SLC8A1: variants seen among roughly 807,000 people sequenced by gnomAD.
SLC8A1 encodes the protein solute carrier family 8 member A1.
SLC8A1 carries 18 observed loss-of-function variants against 68.3 expected under a neutral mutation model. The observed-to-expected ratio is 0.26, with a 90% CI of 0.18 to 0.39. The LOEUF is 0.39. Among genes scored for constraint, SLC8A1 ranks in the 10% least tolerant of loss-of-function variants. The pLI is 1.00. For synonymous variants in SLC8A1, 475 were observed against 415.5 expected, an observed-to-expected ratio of 1.14 and a Z score of -1.74; for missense variants, 985 against 1,156.7, an observed-to-expected ratio of 0.85 and a Z score of 2.15.
chr2:40,419,565 T>C (rs1694891635), intron 2 of SLC8A1, among the ~76,000 whole-genome samples: 2 of 152,094 alleles, frequency 1.3e-5, no homozygotes, highest in South Asian at 4.1e-4. Flanking sequence ...TGCCCCTGTC[T>C]CTTTTTCTCT....
chr2:40,418,415 CT>C (rs1426932121), intron 2 of SLC8A1, among the ~76,000 whole-genome samples: 1 of 152,144 alleles, frequency 6.6e-6, no homozygotes, highest in African/African-American at 2.4e-5. Context: ...CTCAGAAAGA[CT>C]CCCATATCTG....
At chr2:40,278,405 G>A (rs189055462) in intron 2 of SLC8A1, among the ~76,000 whole-genome samples, 8 of 152,232 alleles carry the variant, frequency 5.3e-5, no homozygotes, top group African/African-American at 1.4e-4. Context: ...GGAAGCGGAG[G>A]TGGCAGTGAG....
chr2:40,340,159 T>A (rs889199488), intron 2 of SLC8A1, among the ~76,000 whole-genome samples: 1 of 152,214 alleles, frequency 6.6e-6, no homozygotes, highest in African/African-American at 2.4e-5. Flanking sequence ...AGATCAAAAA[T>A]GGTGGTTTGT....
At chr2:40,246,961 C>T (rs1162291423) in intron 2 of SLC8A1, among the ~76,000 whole-genome samples, 2 of 152,086 alleles carry the variant, frequency 1.3e-5, no homozygotes, top group East Asian at 3.9e-4. Flanking sequence ...GAATATTTTC[C>T]ATTATTGCCT....
chr2:40,287,712 G>T (rs952574879), intron 2 of SLC8A1, among the ~76,000 whole-genome samples: 16 of 151,584 alleles, frequency 1.1e-4, no homozygotes, highest in African/African-American at 3.9e-4. Flanking sequence ...GGAGGATGAG[G>T]GATAGGGACT....
chr2:40,324,820 G>T (rs962294821), intron 2 of SLC8A1, among the ~76,000 whole-genome samples: 1 of 152,044 alleles, frequency 6.6e-6, no homozygotes, highest in Non-Finnish European at 1.5e-5. Flanking sequence ...TAGAAATGTC[G>T]CAGTAGCATG....
chr2:40,262,716 T>C (rs532565738), intron 2 of SLC8A1, among the ~76,000 whole-genome samples: 1 of 152,226 alleles, frequency 6.6e-6, no homozygotes, highest in Non-Finnish European at 1.5e-5. Flanking sequence ...CATGGAGATT[T>C]TGCTCGAGTA....
At chr2:40,309,480 G>T (rs1025686505) in intron 2 of SLC8A1, among the ~76,000 whole-genome samples, 1 of 149,996 alleles carries the variant, frequency 6.7e-6, no homozygotes, top group East Asian at 2.0e-4. Flanking sequence ...TTGTGTAAAT[G>T]AATGATCTCC....
chr2:40,437,545 G>A (rs534109756), intron 1 of SLC8A1, among the ~76,000 whole-genome samples: 1 of 152,222 alleles, frequency 6.6e-6, no homozygotes, highest in East Asian at 1.9e-4. Flanking sequence ...AGAATCCCTA[G>A]CAGTAAGCAA....
intron 1 of SLC8A1, among the ~76,000 whole-genome samples, chr2:40,469,400 G>A (rs1490099021): frequency 1.3e-5 from 2 of 152,088 alleles, no homozygotes; most frequent in Non-Finnish European, 2.9e-5. Flanking sequence ...GAAGGTCCTT[G>A]CTTTGCCTTC....
intron 2 of SLC8A1, among the ~76,000 whole-genome samples, chr2:40,325,783 A>T (rs1033480433): frequency 1.4e-5 from 2 of 146,818 alleles, no homozygotes; most frequent in Non-Finnish European, 3.0e-5. Flanking sequence ...AATACAAAAA[A>T]AAAAAAAAAA....
At chr2:40,361,736 G>A (rs1015623096) in intron 2 of SLC8A1, among the ~76,000 whole-genome samples, 1 of 151,874 alleles carries the variant, frequency 6.6e-6, no homozygotes, top group African/African-American at 2.4e-5. Flanking sequence ...ATGGTAAGTG[G>A]CCACACGTAT....
intron 2 of SLC8A1, among the ~76,000 whole-genome samples, chr2:40,318,821 T>TA (rs1208534987): frequency 6.6e-6 from 1 of 152,148 alleles, no homozygotes; most frequent in Non-Finnish European, 1.5e-5. Flanking sequence ...ATCAAGTGCC[T>TA]ACTGTGTGCA....
chr2:40,347,539 T>G (rs1669736715), intron 2 of SLC8A1, among the ~76,000 whole-genome samples: 1 of 152,176 alleles, frequency 6.6e-6, no homozygotes, highest in Non-Finnish European at 1.5e-5. Context: ...TCAGTTCCCA[T>G]ATATGCAAAA....
intron 1 of SLC8A1, among the ~76,000 whole-genome samples, chr2:40,488,645 T>A (rs1705122274): frequency 1.3e-5 from 2 of 152,176 alleles, no homozygotes; most frequent in Non-Finnish European, 2.9e-5. Context: ...CAGACATTTT[T>A]GTACTAAGCC....
chr2:40,400,886 G>A (rs1688529926), intron 2 of SLC8A1, among the ~76,000 whole-genome samples: 1 of 152,172 alleles, frequency 6.6e-6, no homozygotes, highest in African/African-American at 2.4e-5. Context: ...GCAAAGGCAG[G>A]AAATGGGCAG....
At chr2:40,318,706 T>G (rs2074806634) in intron 2 of SLC8A1, among the ~76,000 whole-genome samples, 1 of 152,028 alleles carries the variant, frequency 6.6e-6, no homozygotes, top group Admixed American at 6.6e-5. Flanking sequence ...GCTACTATTT[T>G]TATTTACTAA....
intron 1 of SLC8A1, among the ~76,000 whole-genome samples, chr2:40,502,323 C>T (rs866984714): frequency 5.3e-5 from 8 of 151,988 alleles, no homozygotes; most frequent in South Asian, 2.1e-4. Flanking sequence ...CTCAGGTTTG[C>T]GGACTATGGT....
chr2:40,243,358 G>T (rs1464964162), intron 2 of SLC8A1, among the ~76,000 whole-genome samples: 1 of 152,070 alleles, frequency 6.6e-6, no homozygotes, highest in African/African-American at 2.4e-5. Context: ...GCATGGTAGT[G>T]TCTGCGGTCC....
Sources: allele counts gnomAD v4.1 joint callset (sites outside exome capture counted in the v4.1 genomes callset), GRCh38; gene constraint gnomAD v4.1.1; transcripts MANE v1.5; gene names NCBI Gene and HGNC (gene_info 2026-07-23, HGNC 2026-07-21).